Variants in DCAF5 observed in about 807,000 individuals in gnomAD.
DCAF5 encodes the protein DDB1 and CUL4 associated factor 5.
Under a neutral mutation model 80.7 loss-of-function variants are expected in DCAF5, and 9 were observed. The ratio of observed to expected loss-of-function variants is 0.11; its 90% CI spans 0.07 to 0.19. The LOEUF is 0.19. DCAF5 is among the 10% of genes least tolerant of loss of function. DCAF5 has a pLI of 1.00. For missense variants in DCAF5, 842 were observed against 1,205.7 expected, an observed-to-expected ratio of 0.70 and a Z score of 4.47; for synonymous variants, 433 against 461.9, an observed-to-expected ratio of 0.94 and a Z score of 0.80.
chr14:69,141,408 G>A (rs952161466), intron 1 of DCAF5, among the ~76,000 whole-genome samples: 1 of 151,944 alleles, frequency 6.6e-6, no homozygotes, highest in South Asian at 2.1e-4. Context: ...CAACGTGCAG[G>A]TTTGTTACAT....
intron 7 of DCAF5, among the ~76,000 whole-genome samples, chr14:69,062,940 C>CA (rs1389051403): frequency 2.0e-5 from 3 of 151,700 alleles, no homozygotes; most frequent in East Asian, 2.0e-4. Flanking sequence ...CTTAAATGTA[C>CA]AAAAAACATC....
At chr14:69,091,588 T>C in intron 6 of DCAF5, 86 bp downstream of exon 6, 7 of 1,222,864 alleles carry the variant, frequency 5.7e-6, no homozygotes, top group South Asian at 2.8e-5. Flanking sequence ...CCTGACATAA[T>C]GGTAATGAGA....
At chr14:69,090,581 C>T (rs1340972537) in intron 6 of DCAF5, 1 of 153,128 alleles carries the variant, frequency 6.5e-6, no homozygotes, top group African/African-American at 2.4e-5. Flanking sequence ...GCTCCTATTA[C>T]ATCTACTAAT....
chr14:69,111,924 G>A (rs906349138), intron 5 of DCAF5, among the ~76,000 whole-genome samples: 2 of 152,136 alleles, frequency 1.3e-5, no homozygotes, highest in Non-Finnish European at 2.9e-5. Context: ...TGTCTACAGG[G>A]TCAGGCAAGT....
At chr14:69,085,600 A>G (rs2039285902) in intron 6 of DCAF5, among the ~76,000 whole-genome samples, 1 of 152,226 alleles carries the variant, frequency 6.6e-6, no homozygotes, top group Non-Finnish European at 1.5e-5. Context: ...TGGTTGCCCA[A>G]GGGCAAAGTA....
intron 7 of DCAF5, 151 bp from the exon 8 acceptor site, chr14:69,062,662 G>A (rs1383781237): frequency 3.5e-6 from 3 of 850,532 alleles, no homozygotes; most frequent in South Asian, 1.9e-5. Context: ...AAGTTGCTAT[G>A]GAAAGAGAGA....
rs1478076431 is a variant in DCAF5 at position 69,085,109 on chromosome 14, GT to G, written c.879+6564del. 1.2e-5 allele frequency: 10 copies of G among 842,810 alleles called. No individual in the cohort carries two copies. The African/African-American group carries it at 1.5e-4, about 13-fold the overall frequency. The allele number at this position is 842,810 out of a possible 1,614,324, so 52.2% of individuals were successfully genotyped here. On this transcript the variant is annotated intron_variant, in intron 6 of 8. Transcript: ENST00000341516. ...TTCAAAAGAACTACTTTTTTCATAA[GT>G]CAGCTCAGGAAGCATATAAATCATA...
intron 1 of DCAF5, among the ~76,000 whole-genome samples, chr14:69,143,544 T>A (rs1292025361): frequency 6.8e-6 from 1 of 148,004 alleles, no homozygotes; most frequent in Non-Finnish European, 1.5e-5. Context: ...ATTTAAAAAA[T>A]CTGTTAAACT....
chr14:69,111,965 A>G lies in DCAF5; in HGVS notation c.665+4401T>C, dbSNP rs76893499. Among the ~76,000 whole-genome samples the G allele has an allele frequency of 6.2e-3, 950 of 152,324 alleles. 12 individuals carry two copies. Among genetic ancestry groups the G allele is most frequent in the Middle Eastern group, 0.024 (7 of 294 alleles). On this transcript the variant is annotated intron_variant, in intron 5 of 8. Transcript: ENST00000341516. ...AAATGAGGGATACACCTGTATTAAG[A>G]CATCAAGAAGTGGTGGGACCCTTAA...
chr14:69,144,704 G>A (rs1380483629), intron 1 of DCAF5, among the ~76,000 whole-genome samples: 2 of 152,192 alleles, frequency 1.3e-5, no homozygotes, highest in Non-Finnish European at 2.9e-5. Context: ...TATCATTTAA[G>A]AGAAGCAACC....
chr14:69,084,390 T>C, intron 6 of DCAF5: 2 of 910,028 alleles, frequency 2.2e-6, no homozygotes, highest in South Asian at 2.6e-5. Context: ...GCTGATCGTA[T>C]CTTGGATGTT....
chr14:69,144,128 T>C (rs542640055), intron 1 of DCAF5, among the ~76,000 whole-genome samples: 6 of 152,114 alleles, frequency 3.9e-5, no homozygotes, highest in Non-Finnish European at 8.8e-5. Context: ...CTTTCTATAC[T>C]ACAAATCTCA....
intron 7 of DCAF5, among the ~76,000 whole-genome samples, chr14:69,072,979 T>C (rs138692045): frequency 6.6e-6 from 1 of 152,328 alleles, no homozygotes; most frequent in African/African-American, 2.4e-5. Flanking sequence ...AGATCATGGG[T>C]TCTGTGGCCT....
intron 1 of DCAF5, chr14:69,149,586 T>C (rs576194880): frequency 6.6e-6 from 1 of 152,348 alleles, no homozygotes; most frequent in South Asian, 2.1e-4. Flanking sequence ...ATTTCTGCCC[T>C]GGGTATAAGT....
intron 7 of DCAF5, among the ~76,000 whole-genome samples, chr14:69,062,881 T>C (rs537282346): frequency 6.6e-6 from 1 of 152,248 alleles, no homozygotes; most frequent in East Asian, 1.9e-4. Context: ...TGCTTGGGAA[T>C]AGTTAGGCAG....
intron 1 of DCAF5, among the ~76,000 whole-genome samples, chr14:69,140,732 A>C (rs904375272): frequency 1.3e-5 from 2 of 152,218 alleles, no homozygotes; most frequent in Non-Finnish European, 2.9e-5. Flanking sequence ...TGGCATGTTC[A>C]TAACGGTTTC....
chr14:69,069,921 G>A (rs578117228), intron 7 of DCAF5, among the ~76,000 whole-genome samples: 21 of 152,246 alleles, frequency 1.4e-4, no homozygotes, highest in South Asian at 2.1e-4. Context: ...GTGCCCAGCC[G>A]AGAAGGCTTT....
intron 6 of DCAF5, chr14:69,085,436 C>A (rs955981166): frequency 1.8e-5 from 8 of 450,576 alleles, no homozygotes; most frequent in South Asian, 8.5e-5. Flanking sequence ...TAAAATGATT[C>A]TTTTCCTCCC....
At chr14:69,130,061 C>T (rs535102967) in intron 1 of DCAF5, among the ~76,000 whole-genome samples, 62 of 152,270 alleles carry the variant, frequency 4.1e-4, no homozygotes, top group African/African-American at 1.4e-3. Flanking sequence ...CAAAGGGTCC[C>T]GAGCTATAAG....
Sources: allele counts gnomAD v4.1 joint callset (sites outside exome capture counted in the v4.1 genomes callset), GRCh38; gene constraint gnomAD v4.1.1; transcripts MANE v1.5; gene names NCBI Gene and HGNC (gene_info 2026-07-23, HGNC 2026-07-21).